Variants in ATP10B observed in about 807,000 individuals in gnomAD.
The protein encoded by ATP10B is ATPase phospholipid transporting 10B (putative), also known as phospholipid-transporting ATPase VB.
ATP10B carries 122 observed loss-of-function variants against 141.2 expected under a neutral mutation model. The ratio of observed to expected loss-of-function variants is 0.86; its 90% CI spans 0.75 to 1.00. The LOEUF (loss-of-function observed/expected upper bound fraction) is 1.00, where lower values mean the gene tolerates loss of function less well. Among genes scored for constraint, ATP10B ranks in the 50% least tolerant of loss-of-function variants. ATP10B has a pLI of 0.00. For synonymous variants in ATP10B, 685 were observed against 692.0 expected, an observed-to-expected ratio of 0.99 and a Z score of 0.16; for missense variants, 1,876 against 1,825.3, an observed-to-expected ratio of 1.03 and a Z score of -0.51.
chr5:160,807,936 C>T (rs1772895752), intron 1 of ATP10B, among the ~76,000 whole-genome samples: 1 of 152,092 alleles, frequency 6.6e-6, no homozygotes, highest in Admixed American at 6.5e-5. Context: ...CTTTTTGTAC[C>T]TGCCTTTAAA....
upstream of ATP10B, among the ~76,000 whole-genome samples, chr5:160,852,659 T>C (rs115763575): frequency 6.6e-6 from 1 of 152,262 alleles, no homozygotes; most frequent in African/African-American, 2.4e-5. Context: ...GGGACCAATA[T>C]ATTATAGTGG....
intron 3 of ATP10B, among the ~76,000 whole-genome samples, chr5:160,715,208 C>T (rs1428848874): frequency 1.4e-5 from 2 of 139,194 alleles, no homozygotes; most frequent in Non-Finnish European, 3.1e-5. Context: ...GCGCCCCTCC[C>T]CCAGCCTCGT....
chr5:160,723,452 C>A (rs561159815), intron 2 of ATP10B, among the ~76,000 whole-genome samples: 1 of 152,280 alleles, frequency 6.6e-6, no homozygotes, highest in East Asian at 1.9e-4. Flanking sequence ...AAGCATTTTG[C>A]TTGTATTAAC....
intron 7 of ATP10B, among the ~76,000 whole-genome samples, chr5:160,653,005 ATATATATTTATATTATATATT>A (rs1760997222): frequency 2.5e-5 from 2 of 80,608 alleles, no homozygotes; most frequent in Admixed American, 3.5e-4. Flanking sequence ...TTTATATATT[ATATATATTTATATTATATATT>A]TATATATTTA....
chr5:160,880,669 A>T, the ATP10B span, among the ~76,000 whole-genome samples: 1 of 152,198 alleles, frequency 6.6e-6, no homozygotes, highest in Non-Finnish European at 1.5e-5. Flanking sequence ...TCTTTGACAA[A>T]TGAGCAAATA....
chr5:160,818,457 C>A (rs1466492719), intron 1 of ATP10B, among the ~76,000 whole-genome samples: 1 of 152,184 alleles, frequency 6.6e-6, no homozygotes, highest in Non-Finnish European at 1.5e-5. Context: ...GAGATACCAT[C>A]TCACACCAGT....
chr5:160,665,344 A>G (rs1288425325), intron 7 of ATP10B, among the ~76,000 whole-genome samples: 2 of 152,220 alleles, frequency 1.3e-5, no homozygotes, highest in African/African-American at 2.4e-5. Context: ...AGGATTGTCA[A>G]CTTCTTTGTT....
At chr5:160,747,989 G>T (rs1767914159) in intron 2 of ATP10B, among the ~76,000 whole-genome samples, 1 of 92,284 alleles carries the variant, frequency 1.1e-5, no homozygotes, top group African/African-American at 4.6e-5. Flanking sequence ...GCTGAGCATT[G>T]AGAGAGAAAA....
chr5:160,838,037 G>A (rs886766965), intron 1 of ATP10B, among the ~76,000 whole-genome samples: 16 of 152,204 alleles, frequency 1.1e-4, no homozygotes, highest in Middle Eastern at 3.4e-3. Flanking sequence ...AGATTATGCC[G>A]GTACTTAAAA....
In ATP10B at chr5:160,564,614, C is replaced by T. The variant is rs1282897740; in HGVS notation, c.*839G>A. On this transcript the variant is annotated 3_prime_UTR_variant, in exon 26 of 26. Transcript: ENST00000327245. The stretch of plus-strand genomic sequence containing the variant: ...ATTTACAGGGTTTTTTGCTTTTGTT[C>T]TAAGAGCTGAATGAGGATGGGCAAT... 7 of 152,060 alleles carry T rather than the reference C, an allele frequency of 4.6e-5. No individual in the cohort carries two copies. The highest frequency in any genetic ancestry group is 4.6e-4 in the Admixed American group (7 of 15,266). The allele number at this position is 152,060 out of a possible 1,614,324, so 9.4% of individuals were successfully genotyped here. A position where few individuals can be genotyped will look rare whatever the true frequency, so the allele number is the denominator to read the frequency against.
chr5:160,614,901 C>T (rs146279199), intron 17 of ATP10B, among the ~76,000 whole-genome samples: 6 of 152,118 alleles, frequency 3.9e-5, no homozygotes, highest in African/African-American at 1.4e-4. Context: ...GCCACGTGGC[C>T]AGTGCATGCT....
chr5:160,758,806 G>A (rs1487751090), intron 2 of ATP10B, among the ~76,000 whole-genome samples: 2 of 152,180 alleles, frequency 1.3e-5, no homozygotes, highest in African/African-American at 2.4e-5. Flanking sequence ...GAGAGACAGG[G>A]CAGGTAAGAA....
chr5:160,923,352 C>T, the ATP10B span, among the ~76,000 whole-genome samples: 1 of 152,178 alleles, frequency 6.6e-6, no homozygotes, highest in Non-Finnish European at 1.5e-5. Context: ...GGTTTTGAAT[C>T]CCAGCTCTGC....
rs567378384 is a variant in ATP10B, at chr5:160,567,699, A to G, written c.3938+1797T>C. On this transcript the variant is annotated intron_variant, in intron 25 of 25. Transcript: ENST00000327245. ...GCTTGGGGAGTGATAAGAGTAGGGG[A>G]ATATGTCCTAGGAGGAGTTGGCCCA... 2.6e-5 allele frequency among the ~76,000 whole-genome samples: 4 copies of G among 152,112 alleles called. No homozygotes were observed. In the East Asian group the frequency reaches 7.8e-4, roughly 30 times the overall value.
chr5:160,854,433 T>C (rs1458970617), upstream of ATP10B, among the ~76,000 whole-genome samples: 1 of 152,188 alleles, frequency 6.6e-6, no homozygotes, highest in Non-Finnish European at 1.5e-5. Flanking sequence ...TTTGGTTTTC[T>C]GTTCCTGTGT....
At chr5:160,600,909 C>T (rs1264095818) in intron 21 of ATP10B, among the ~76,000 whole-genome samples, 5 of 152,144 alleles carry the variant, frequency 3.3e-5, no homozygotes, top group Admixed American at 6.6e-5. Context: ...GCATTAGTAT[C>T]GCAATTTTGA....
At chr5:160,584,392 C>T (rs1252904186) in intron 24 of ATP10B, among the ~76,000 whole-genome samples, 1 of 152,176 alleles carries the variant, frequency 6.6e-6, no homozygotes, top group Admixed American at 6.5e-5. Context: ...GTGAGATGAG[C>T]TGGGTACCTC....
chr5:160,604,180 T>G (rs1313355911), intron 19 of ATP10B, 139 bp from the exon 20 acceptor site: 7 of 654,268 alleles, frequency 1.1e-5, no homozygotes, highest in Middle Eastern at 2.6e-4. Context: ...ATTGCTATAG[T>G]GCTTAGCTTG....
chr5:160,781,622 G>A (rs1007898690), intron 2 of ATP10B, among the ~76,000 whole-genome samples: 2 of 152,048 alleles, frequency 1.3e-5, no homozygotes, highest in Admixed American at 6.6e-5. Flanking sequence ...TATGGAAAGA[G>A]AAAAAATATT....
Sources: allele counts gnomAD v4.1 joint callset (sites outside exome capture counted in the v4.1 genomes callset), GRCh38; gene constraint gnomAD v4.1.1; transcripts MANE v1.5; gene names NCBI Gene and HGNC (gene_info 2026-07-23, HGNC 2026-07-21).